Variants in NEO1 observed in about 807,000 individuals in gnomAD.
NEO1 encodes the protein neogenin 1.
A neutral mutation model predicts 159.7 loss-of-function variants in NEO1; 63 were observed. The ratio of observed to expected loss-of-function variants is 0.39; its 90% CI spans 0.32 to 0.49. NEO1 has a LOEUF of 0.49. Among genes scored for constraint, NEO1 ranks in the 20% least tolerant of loss-of-function variants. The probability of loss-of-function intolerance (pLI) is 0.85; values close to 1 mark genes in which losing one functional copy is unlikely to be tolerated. For missense variants in NEO1, 1,615 were observed against 1,831.0 expected (o/e 0.88, Z 2.15); for synonymous variants, 633 against 662.0 (o/e 0.96, Z 0.67).
chr15:73,270,184 A>T lies in NEO1; in HGVS notation c.2669A>T (p.Tyr890Phe). The T allele has an allele frequency of 6.2e-7, 1 of 1,613,976 alleles. No homozygotes were observed. Among genetic ancestry groups the T allele is most frequent in the African/African-American group, 1.3e-5 (1 of 74,948 alleles). The change falls in exon 17 of 29, where the codon TAC (tyrosine) becomes TTC (phenylalanine). Residue 890 changes from tyrosine (Y) to phenylalanine (F), a missense_variant. Around this residue, in one of 3 missense-constraint regions of NEO1, gnomAD observed 1,018 missense variants for 1,115.4 expected, o/e 0.91. Coordinates refer to ENST00000261908, the MANE Select transcript of NEO1 (RefSeq NM_002499.4). ...CACCAGAAGATTACAGACTCCCGAT[A>T]CTACACCGTCCGATGGAAAACCAAC... ...PKHQKITDSR[Y>F]YTVRWKTNIP...
chr15:73,276,287 C>T (rs543958061), intron 21 of NEO1, among the ~76,000 whole-genome samples: 1 of 152,318 alleles, frequency 6.6e-6, no homozygotes, highest in Admixed American at 6.5e-5. Flanking sequence ...GGAATATAAA[C>T]CATCCAGTTT....
intron 1 of NEO1, among the ~76,000 whole-genome samples, chr15:73,100,661 T>G (rs1453959604): frequency 2.6e-5 from 4 of 152,160 alleles, no homozygotes; most frequent in Non-Finnish European, 4.4e-5. Flanking sequence ...CCCTCTTCAT[T>G]GTCACTTTCA....
At chr15:73,137,509 C>T (rs1175442735) in intron 5 of NEO1, among the ~76,000 whole-genome samples, 1 of 152,116 alleles carries the variant, frequency 6.6e-6, no homozygotes, top group African/African-American at 2.4e-5. Context: ...GGTGCAGTCT[C>T]TGCTCACTGC....
intron 5 of NEO1, among the ~76,000 whole-genome samples, chr15:73,152,082 T>C (rs2033416692): frequency 6.6e-6 from 1 of 152,214 alleles, no homozygotes; most frequent in Non-Finnish European, 1.5e-5. Context: ...AATACATAAA[T>C]ACATGTATGT....
At chr15:73,258,940 C>G in intron 14 of NEO1, 64 bp downstream of exon 14, 2 of 1,394,134 alleles carry the variant, frequency 1.4e-6, no homozygotes, top group East Asian at 2.3e-5. Flanking sequence ...ATGAGTCAAA[C>G]TGGAAAGCCA....
intron 15 of NEO1, among the ~76,000 whole-genome samples, chr15:73,261,611 A>G (rs570602054): frequency 5.2e-4 from 79 of 152,186 alleles, no homozygotes; most frequent in Non-Finnish European, 9.7e-4. Context: ...GAGCAGACTT[A>G]TAAAATGTGT....
chr15:73,250,805 A>T (rs79946198), intron 11 of NEO1, among the ~76,000 whole-genome samples: 1 of 152,198 alleles, frequency 6.6e-6, no homozygotes, highest in Non-Finnish European at 1.5e-5. Flanking sequence ...ATCTGGAGAT[A>T]AAAAAACAGC....
chr15:73,054,219 A>G (rs1254276605), intron 1 of NEO1, among the ~76,000 whole-genome samples: 1 of 152,182 alleles, frequency 6.6e-6, no homozygotes, highest in Non-Finnish European at 1.5e-5. Context: ...GTTACTCATG[A>G]TCTATTTTAT....
intron 1 of NEO1, among the ~76,000 whole-genome samples, chr15:73,102,068 A>G (rs2070430661): frequency 6.6e-6 from 1 of 151,994 alleles, no homozygotes; most frequent in Non-Finnish European, 1.5e-5. Flanking sequence ...AGAACTACTG[A>G]ATCAGAATCT....
intron 5 of NEO1, among the ~76,000 whole-genome samples, chr15:73,165,376 A>C (rs934367284): frequency 5.3e-5 from 8 of 152,134 alleles, no homozygotes; most frequent in Non-Finnish European, 1.2e-4. Context: ...TTAACTTTGA[A>C]AATGATAAAA....
intron 13 of NEO1, among the ~76,000 whole-genome samples, chr15:73,258,350 C>T (rs1475623822): frequency 2.0e-5 from 3 of 152,184 alleles, no homozygotes; most frequent in African/African-American, 7.2e-5. Context: ...TCTTTGCATT[C>T]TTTCCTAGGT....
At chr15:73,106,503 T>G (rs1322899843) in intron 1 of NEO1, among the ~76,000 whole-genome samples, 4 of 152,230 alleles carry the variant, frequency 2.6e-5, no homozygotes, top group Non-Finnish European at 5.9e-5. Context: ...CAATAAGTCT[T>G]CTAAATCTGG....
chr15:73,084,177 C>T lies in NEO1; in HGVS notation c.130+31372C>T, dbSNP rs189220447. 3.9e-5 allele frequency among the ~76,000 whole-genome samples: 6 copies of T among 151,928 alleles called. No homozygotes were observed. The East Asian group carries it at 1.2e-3, about 29-fold the overall frequency. ...AAAGTATAATTAAAAAAAAAATCTC[C>T]CAGCGATTTTCAAGAATATAATACA... On this transcript the variant is annotated intron_variant, in intron 1 of 28. Coordinates refer to ENST00000261908, the MANE Select transcript of NEO1 (RefSeq NM_002499.4).
intron 5 of NEO1, among the ~76,000 whole-genome samples, chr15:73,138,478 C>A (rs543888696): frequency 2.0e-5 from 3 of 150,766 alleles, no homozygotes; most frequent in African/African-American, 7.3e-5. Context: ...GGGAGTTGGC[C>A]GGGCGCGGTG....
chr15:73,136,733 C>T (rs2031803133), intron 5 of NEO1, among the ~76,000 whole-genome samples: 1 of 152,088 alleles, frequency 6.6e-6, no homozygotes, highest in Admixed American at 6.5e-5. Context: ...GGCATGACTA[C>T]ATAGTCTTGT....
chr15:73,101,870 G>T (rs977176721), intron 1 of NEO1, among the ~76,000 whole-genome samples: 1 of 151,998 alleles, frequency 6.6e-6, no homozygotes, highest in African/African-American at 2.4e-5. Context: ...CTCCTCTATT[G>T]CAAAGAATAT....
rs531157285 is a variant in NEO1 at position 73,161,451 on chromosome 15, A to AC, written c.1016-14951dup. The stretch of plus-strand genomic sequence containing the variant: ...CCTCCATTTTTTTATTTGAATAGAA[A>AC]CAGTGCTACTTATTAAAATGCCGAG... On this transcript the variant is annotated intron_variant, in intron 5 of 28. Transcript: ENST00000261908. Among the ~76,000 whole-genome samples, 192 of 152,328 alleles carry AC rather than the reference A, an allele frequency of 1.3e-3. 3 individuals are homozygous for AC. Among genetic ancestry groups the AC allele is most frequent in the African/African-American group, 4.5e-3 (188 of 41,572 alleles).
intron 8 of NEO1, among the ~76,000 whole-genome samples, chr15:73,242,567 G>A (rs1038587527): frequency 6.6e-6 from 1 of 152,094 alleles, no homozygotes; most frequent in Non-Finnish European, 1.5e-5. Context: ...ACGTACTGGA[G>A]GCCAGGGCAC....
chr15:73,273,791 C>G lies in NEO1; in HGVS notation c.2966-20C>G. The G allele has an allele frequency of 1.3e-6, 2 of 1,579,826 alleles. No homozygotes were observed. Among genetic ancestry groups the G allele is most frequent in the Non-Finnish European group, 1.7e-6 (2 of 1,161,334 alleles). On this transcript the variant is annotated intron_variant, in intron 19 of 28. Coordinates refer to ENST00000261908, the MANE Select transcript of NEO1 (RefSeq NM_002499.4). Reference sequence around the variant, plus strand: ...AAAAGCAGGAGTGAGATTTCTTTTCCCATTAATTCCTTTGGACAGGTTACA... The same window carrying G: ...AAAAGCAGGAGTGAGATTTCTTTTCGCATTAATTCCTTTGGACAGGTTACA...
Sources: gnomAD v4.1 joint callset for allele counts (sites outside exome capture counted in the v4.1 genomes callset) on GRCh38, gnomAD v4.1.1 for gene constraint, gnomAD v4.1.1 regional missense constraint, MANE v1.5 for transcripts, NCBI Gene and HGNC (gene_info 2026-07-23, HGNC 2026-07-21) for gene names.